The following XYLT2 variants were observed in gnomAD, a reference collection of about 807,000 sequenced individuals.
The protein encoded by XYLT2 is xylosyltransferase 2, also known as UDP-D-xylose:proteoglycan core protein beta-D-xylosyltransferase.
A neutral mutation model predicts 82.6 loss-of-function variants in XYLT2; 37 were observed. That is an observed-to-expected ratio of 0.45 (90% CI 0.34 to 0.59). The LOEUF (loss-of-function observed/expected upper bound fraction) is 0.59, where lower values mean the gene tolerates loss of function less well. XYLT2 is among the 20% of genes least tolerant of loss of function. The pLI is 0.01. For missense variants in XYLT2, 934 were observed against 1,181.3 expected, an observed-to-expected ratio of 0.79 and a Z score of 3.07; for synonymous variants, 474 against 499.0, an observed-to-expected ratio of 0.95 and a Z score of 0.67.
intron 7 of XYLT2, 36 bp downstream of exon 7, chr17:50,356,297 C>A: frequency 6.2e-7 from 1 of 1,603,682 alleles, no homozygotes; most frequent in African/African-American, 1.3e-5. Context: ...CTGGCTAGGT[C>A]TTCTCCCCTG....
chr17:50,360,570 T>C lies in XYLT2; in HGVS notation c.*279T>C, dbSNP rs1002721589. ...CTGTCTAGTTTGAATTTCTTTTTTT[T>C]CTTTTTTTTTTTTTTTTTTTAATTT... is the stretch of plus-strand genomic sequence containing the variant. On this transcript the variant is annotated 3_prime_UTR_variant, in exon 11 of 11. Transcript: ENST00000017003. The C allele has an allele frequency of 9.4e-7, 1 of 1,068,670 alleles. No homozygotes were observed. Among genetic ancestry groups the C allele is most frequent in the Non-Finnish European group, 1.1e-6 (1 of 895,750 alleles). The allele number at this position is 1,068,670 out of a possible 1,614,324, so 66.2% of individuals were successfully genotyped here. A position where few individuals can be genotyped will look rare whatever the true frequency, so the allele number is the denominator to read the frequency against.
chr17:50,356,696 T>C lies in XYLT2; in HGVS notation c.1668T>C (p.Thr556=), dbSNP rs1401115799. Residue 556 remains threonine, a synonymous_variant, in exon 8 of 11, where the codon ACT becomes ACC. Transcript: ENST00000017003. ...GTGGGCTCAGTGATGTCATGCTCAC[T>C]GCTTACACAGCCTTCGCCCGCCTCA... is the stretch of plus-strand genomic sequence containing the variant. ...GPSGLSDVML[T]AYTAFARLSL... 1 of 1,611,892 alleles carries C rather than the reference T, an allele frequency of 6.2e-7. No individual in the cohort carries two copies. The highest frequency in any genetic ancestry group is 1.3e-5 in the African/African-American group (1 of 74,914).
chr17:50,353,756 C>A lies in XYLT2; in HGVS notation c.262C>A (p.Pro88Thr). 1.9e-6 allele frequency: 3 copies of A among 1,558,266 alleles called. No homozygotes were observed. The highest frequency in any genetic ancestry group is 2.6e-6 in the Non-Finnish European group (3 of 1,151,206). ...GCGCTGGCGGGGCCGTGCTGAGAGC[C>A]CAGGAGTGCCCGTGGCCAAGGTGGT... ...HGRWRGRAES[P>T]GVPVAKVVRA... The change falls in exon 2 of 11, where the codon CCA (proline) becomes ACA (threonine). Residue 88 changes from proline (P) to threonine (T), a missense_variant. Pro to Thr is a conservative substitution (Grantham distance 38, BLOSUM62 -1). Coordinates refer to ENST00000017003, the MANE Select transcript of XYLT2 (RefSeq NM_022167.4).
rs1016713049 is a variant in XYLT2, at chr17:50,346,398, G to A, written c.135+123G>A. 3 of 967,134 alleles carry A rather than the reference G, an allele frequency of 3.1e-6. No individual in the cohort carries two copies. Among genetic ancestry groups the A allele is most frequent in the Non-Finnish European group, 3.7e-6 (3 of 812,706 alleles). The allele number at this position is 967,134 out of a possible 1,614,324, so 59.9% of individuals were successfully genotyped here. A position where few individuals can be genotyped will look rare whatever the true frequency, so the allele number is the denominator to read the frequency against. ...GCCGCGTGCGTGCGTGCGGGGCGCC[G>A]GCGGTCGCCCAGAGCGGAGCATCCG... On this transcript the variant is annotated intron_variant, in intron 1 of 10. Coordinates refer to ENST00000017003, the MANE Select transcript of XYLT2 (RefSeq NM_022167.4). This position sits in a 1 kb window ranked among gnomAD's most constrained non-coding sequence, Gnocchi z 5.1.
At position 50,360,306 on chromosome 17, in the gene XYLT2, G is replaced by A; in HGVS notation, c.*15G>A. On this transcript the variant is annotated 3_prime_UTR_variant, in exon 11 of 11. Transcript: ENST00000017003. ...GACTCAGGTAGCAGGGCCCCAGCCAGTACCCGTGGAGGACCCGGGAAATTG... is the reference window on the plus strand; with the variant it reads ...GACTCAGGTAGCAGGGCCCCAGCCAATACCCGTGGAGGACCCGGGAAATTG... 6.4e-7 allele frequency: 1 copy of A among 1,569,794 alleles called. No homozygotes were observed. The highest frequency in any genetic ancestry group is 8.7e-7 in the Non-Finnish European group (1 of 1,155,908).
chr17:50,349,623 T>C (rs986026021), intron 1 of XYLT2, among the ~76,000 whole-genome samples: 1 of 152,104 alleles, frequency 6.6e-6, no homozygotes, highest in East Asian at 1.9e-4. Flanking sequence ...GCTGGCTGGG[T>C]GCTAGGCACA....
At chr17:50,348,067 CTTA>C (rs1912111925) in intron 1 of XYLT2, among the ~76,000 whole-genome samples, 1 of 152,172 alleles carries the variant, frequency 6.6e-6, no homozygotes, top group Non-Finnish European at 1.5e-5. Context: ...ATAAATAACT[CTTA>C]TTATCCCAGC....
intron 4 of XYLT2, 112 bp from the exon 5 acceptor site, chr17:50,355,389 G>A: frequency 1.7e-6 from 2 of 1,187,710 alleles, no homozygotes; most frequent in Non-Finnish European, 2.4e-6. Flanking sequence ...CCAGGGGTAG[G>A]GCACATGGCC....
intron 2 of XYLT2, 63 bp from the exon 3 acceptor site, chr17:50,354,345 C>G: frequency 2.0e-6 from 3 of 1,530,692 alleles, no homozygotes; most frequent in Non-Finnish European, 2.6e-6. Flanking sequence ...GCTCCCTCTT[C>G]CCATCTCACC....
In XYLT2 at chr17:50,360,588, TTTAA is replaced by T; in HGVS notation, c.*300_*303del. 6.0e-6 allele frequency: 7 copies of T among 1,163,900 alleles called. No individual in the cohort carries two copies. The highest frequency in any genetic ancestry group is 7.4e-6 in the Non-Finnish European group (7 of 945,624). 72.1% of individuals were successfully genotyped at this position (1,163,900 alleles called of 1,614,324 possible). ...TTTTTTTTCTTTTTTTTTTTTTTTT[TTTAA>T]TTTAAAAAGGAAAATGGGTGGTTGG... On this transcript the variant is annotated 3_prime_UTR_variant, in exon 11 of 11. Transcript: ENST00000017003.
intron 10 of XYLT2, chr17:50,359,756 A>G (rs949821401): frequency 8.7e-6 from 5 of 574,030 alleles, no homozygotes; most frequent in African/African-American, 7.5e-5. Context: ...ACTGCATCCT[A>G]AAGTTGGGAA....
chr17:50,350,230 G>A (rs1912204650), intron 1 of XYLT2, among the ~76,000 whole-genome samples: 1 of 90,798 alleles, frequency 1.1e-5, no homozygotes, highest in East Asian at 1.2e-3. Flanking sequence ...ACTGAATGCT[G>A]TGCCTATGCC....
rs748114111 is a variant in XYLT2 at position 50,353,838 on chromosome 17, C to A, written c.344C>A (p.Pro115Gln). 2 of 1,597,042 alleles carry A rather than the reference C, an allele frequency of 1.3e-6. No homozygotes were observed. The highest frequency in any genetic ancestry group is 4.5e-5 in the East Asian group (2 of 44,022). ...CGGCGGGTCCCACCTGCCCCACCCCCGGAAGCCCCAGGCCGCCAGAACCTG... is the reference window on the plus strand; with the variant it reads ...CGGCGGGTCCCACCTGCCCCACCCCAGGAAGCCCCAGGCCGCCAGAACCTG... ...ASRRVPPAPP[P>Q]EAPGRQNLSG... Residue 115 changes from proline (P) to glutamine (Q), a missense_variant, in exon 2 of 11, where the codon CCG (proline) becomes CAG (glutamine). By Grantham distance (76) the Pro-to-Gln change is moderately conservative. Transcript: ENST00000017003.
chr17:50,353,549 G>A, intron 1 of XYLT2, 81 bp from the exon 2 acceptor site: 1 of 1,508,224 alleles, frequency 6.6e-7, no homozygotes. Flanking sequence ...AGGTCTGAGG[G>A]TGCCCCCAAC....
chr17:50,360,111 T>C lies in XYLT2; in HGVS notation c.2418T>C (p.Pro806=), dbSNP rs1912736458. 1.2e-6 allele frequency: 2 copies of C among 1,613,922 alleles called. No individual in the cohort carries two copies. The highest frequency in any genetic ancestry group is 1.7e-6 in the Non-Finnish European group (2 of 1,179,946). ...AGCGGCACACACAGCTCACAGGCCCTGCGCTCGAGGCCTGGACAGACAGGG... is the reference window on the plus strand; with the variant it reads ...AGCGGCACACACAGCTCACAGGCCCCGCGCTCGAGGCCTGGACAGACAGGG... ...AAQRHTQLTG[P]ALEAWTDREL... Residue 806 remains proline (P), a synonymous_variant, in exon 11 of 11, where the codon CCT becomes CCC. Coordinates refer to ENST00000017003, the MANE Select transcript of XYLT2 (RefSeq NM_022167.4).
In XYLT2 at chr17:50,356,068, T is replaced by C; in HGVS notation, c.1306-17T>C. The C allele has an allele frequency of 2.5e-6, 4 of 1,614,048 alleles. No homozygotes were observed. Among genetic ancestry groups the C allele is most frequent in the Non-Finnish European group, 3.4e-6 (4 of 1,179,892 alleles). On this transcript the variant is annotated splice_polypyrimidine_tract_variant and intron_variant, in intron 6 of 10. Coordinates refer to ENST00000017003, the MANE Select transcript of XYLT2 (RefSeq NM_022167.4). ...GCTGCCTGCAGCTCACCTTCCACTC[T>C]CCCTTGCTGCTTGCAGTCCTTCTTC...
intron 7 of XYLT2, 113 bp from the exon 8 acceptor site, chr17:50,356,398 A>G: frequency 6.5e-7 from 1 of 1,547,254 alleles, no homozygotes; most frequent in Non-Finnish European, 8.8e-7. Flanking sequence ...GGGCTACAAC[A>G]GCAGCAGGAA....
intron 10 of XYLT2, 152 bp downstream of exon 10, chr17:50,358,692 G>C: frequency 3.7e-6 from 3 of 815,464 alleles, no homozygotes; most frequent in Non-Finnish European, 5.6e-6. Context: ...CTTTCCTGTA[G>C]CATGCAGGGT....
chr17:50,358,294 C>T lies in XYLT2; in HGVS notation c.2029C>T (p.Arg677Cys), dbSNP rs1202368315. The T allele has an allele frequency of 2.5e-6, 4 of 1,613,736 alleles. No homozygotes were observed. Among genetic ancestry groups the T allele is most frequent in the East Asian group, 2.2e-5 (1 of 44,880 alleles). Residue 677 changes from arginine to cysteine, a missense_variant, in exon 10 of 11, where the codon CGC (arginine) becomes TGC (cysteine). Arg to Cys is a radical substitution (Grantham distance 180). This residue lies in a region of XYLT2 where 374 missense variants were observed against 465.6 expected (regional missense o/e 0.80). Transcript: ENST00000017003. ...GPLDEPVAVQ[R>C]WARGPNLTAT... Reference sequence around the variant, plus strand: ...GCTGGACGAGCCTGTGGCCGTGCAGCGCTGGGCCCGGGGCCCCAACCTCAC... The same window carrying T: ...GCTGGACGAGCCTGTGGCCGTGCAGTGCTGGGCCCGGGGCCCCAACCTCAC...
Sources: allele counts gnomAD v4.1 joint callset (sites outside exome capture counted in the v4.1 genomes callset), GRCh38; gene constraint gnomAD v4.1.1; regional missense constraint gnomAD v4.1.1; non-coding constraint Gnocchi (gnomAD v3.1); transcripts MANE v1.5; gene names NCBI Gene and HGNC (gene_info 2026-07-23, HGNC 2026-07-21).